Variants in MSANTD7 observed in about 807,000 individuals in gnomAD.
MSANTD7 encodes the protein zinc finger and SCAN domain containing 29.
At chr10:14,838,604 G>T in the MSANTD7 span, 1 of 743,904 alleles carries the variant, frequency 1.3e-6, no homozygotes, top group East Asian at 3.1e-5. Flanking sequence ...CGGAGCGAAG[G>T]GCCGGGCAGG....
the MSANTD7 span, chr10:14,844,932 G>A: frequency 2.0e-6 from 2 of 985,364 alleles, no homozygotes; most frequent in Non-Finnish European, 2.4e-6. Flanking sequence ...TTCCTTTTGA[G>A]GAGCTTTCCA....
the MSANTD7 span, chr10:14,846,905 T>C: frequency 2.0e-6 from 2 of 985,458 alleles, no homozygotes; most frequent in South Asian, 9.4e-5. Flanking sequence ...AAGTCCATCA[T>C]GTAAATAAGG....
chr10:14,842,845 A>G, the MSANTD7 span: 18 of 1,526,356 alleles, frequency 1.2e-5, no homozygotes, highest in Non-Finnish European at 1.4e-5. The surrounding 1 kb of genome is among the most constrained non-coding windows in gnomAD (Gnocchi z 5.2). Flanking sequence ...CCTCGGGTGC[A>G]GGTAACTCCC....
the MSANTD7 span, among the ~76,000 whole-genome samples, chr10:14,840,795 G>C: frequency 6.6e-6 from 1 of 152,164 alleles, no homozygotes; most frequent in East Asian, 1.9e-4. Flanking sequence ...ACTTGATAGA[G>C]TGTTTTTAAA....
chr10:14,842,939 A>T, the MSANTD7 span: 1 of 945,634 alleles, frequency 1.1e-6, no homozygotes, highest in South Asian at 1.8e-5. The surrounding 1 kb of genome is among the most constrained non-coding windows in gnomAD (Gnocchi z 5.2). Context: ...TCTTCAGCAT[A>T]GTTCCTGTTT....
chr10:14,843,519 A>C, the MSANTD7 span: 1 of 1,550,676 alleles, frequency 6.4e-7, no homozygotes, highest in Admixed American at 2.0e-5. Context: ...CTCCTGGGGT[A>C]GCCTCCACAC....
chr10:14,840,087 G>T, the MSANTD7 span: 18 of 1,417,292 alleles, frequency 1.3e-5, no homozygotes, highest in Middle Eastern at 2.4e-4. Context: ...TGTTGGATTG[G>T]CAGCAAAACA....
chr10:14,844,626 T>C, the MSANTD7 span: 2 of 985,158 alleles, frequency 2.0e-6, no homozygotes, highest in Non-Finnish European at 1.2e-6. Context: ...CTCCTATCAA[T>C]ATAAGGAAAT....
the MSANTD7 span, chr10:14,845,445 A>C: frequency 1.0e-6 from 1 of 985,326 alleles, no homozygotes; most frequent in East Asian, 1.1e-4. Flanking sequence ...AACCATGAGT[A>C]GACGGCAAGC....
At chr10:14,845,539 T>C in the MSANTD7 span, 1 of 984,638 alleles carries the variant, frequency 1.0e-6, no homozygotes, top group African/African-American at 1.7e-5. Flanking sequence ...ATTCCTGGAT[T>C]GGAATCCTGT....
the MSANTD7 span, chr10:14,844,917 A>C: frequency 1.0e-6 from 1 of 985,434 alleles, no homozygotes; most frequent in Non-Finnish European, 1.2e-6. Flanking sequence ...AAGCCCTAGA[A>C]ACGTTTCCTT....
At chr10:14,842,808 GTGACCT>G in the MSANTD7 span, 3 of 1,535,596 alleles carry the variant, frequency 2.0e-6, no homozygotes, top group Non-Finnish European at 2.6e-6. The surrounding 1 kb of genome is among the most constrained non-coding windows in gnomAD (Gnocchi z 5.2). Context: ...CGAGAAACCA[GTGACCT>G]TGAGGACTCC....
chr10:14,839,133 C>A, the MSANTD7 span, among the ~76,000 whole-genome samples: 1 of 152,188 alleles, frequency 6.6e-6, no homozygotes, highest in Admixed American at 6.5e-5. Flanking sequence ...GAAGTGAGAG[C>A]CTGACAGGAC....
At chr10:14,846,278 GAGTT>G in the MSANTD7 span, 11 of 985,392 alleles carry the variant, frequency 1.1e-5, no homozygotes, top group Non-Finnish European at 1.3e-5. Flanking sequence ...ACTTGACGGA[GAGTT>G]AGGCCTGTAT....
At chr10:14,842,307 C>T in the MSANTD7 span, 10 of 1,535,744 alleles carry the variant, frequency 6.5e-6, no homozygotes, top group African/African-American at 1.4e-5. The surrounding 1 kb of genome is among the most constrained non-coding windows in gnomAD (Gnocchi z 5.2). Context: ...AATAGCAGTG[C>T]GGGCATCCGG....
the MSANTD7 span, chr10:14,840,170 A>G: frequency 7.8e-7 from 1 of 1,282,330 alleles, no homozygotes; most frequent in Non-Finnish European, 1.1e-6. Context: ...ATGGAATCAA[A>G]TGATACTTTT....
At chr10:14,844,948 C>G in the MSANTD7 span, 1 of 985,418 alleles carries the variant, frequency 1.0e-6, no homozygotes, top group African/African-American at 1.7e-5. Context: ...TTCCAAGATT[C>G]CTTTTCCTCA....
chr10:14,845,261 G>C, the MSANTD7 span: 1 of 985,140 alleles, frequency 1.0e-6, no homozygotes, highest in Non-Finnish European at 1.2e-6. Flanking sequence ...AATACAAATA[G>C]GAATCTTTAG....
At chr10:14,846,542 G>GA in the MSANTD7 span, 1 of 985,220 alleles carries the variant, frequency 1.0e-6, no homozygotes, top group Middle Eastern at 5.2e-4. Flanking sequence ...AGCAAGCCAG[G>GA]AATCTGCCTA....
Sources: allele counts gnomAD v4.1 joint callset (sites outside exome capture counted in the v4.1 genomes callset), GRCh38; gene constraint gnomAD v4.1.1; non-coding constraint Gnocchi (gnomAD v3.1); transcripts MANE v1.5; gene names NCBI Gene and HGNC (gene_info 2026-07-23, HGNC 2026-07-21).